NUMB: variants seen among roughly 807,000 people sequenced by gnomAD.
NUMB encodes NUMB endocytic adaptor protein, also known as protein numb homolog.
NUMB carries 29 observed loss-of-function variants against 59.7 expected under a neutral mutation model. That is an observed-to-expected ratio of 0.49 (90% CI 0.36 to 0.66). The LOEUF (loss-of-function observed/expected upper bound fraction) is 0.66. NUMB is among the 30% of genes least tolerant of loss of function. NUMB has a pLI of 0.00. For synonymous variants in NUMB, 288 were observed against 288.2 expected, an observed-to-expected ratio of 1.00 and a Z score of 0.01; for missense variants, 723 against 822.0, an observed-to-expected ratio of 0.88 and a Z score of 1.47.
At chr14:73,278,940 G>A (rs1177932161) in intron 12 of NUMB, among the ~76,000 whole-genome samples, 1 of 152,012 alleles carries the variant, frequency 6.6e-6, no homozygotes, top group Non-Finnish European at 1.5e-5. Flanking sequence ...TGGCCAGGAT[G>A]GTCTCCATCT....
In NUMB at chr14:73,352,510, A is replaced by T. The variant is rs60662593; in HGVS notation, c.126+3116T>A. 4.8e-4 allele frequency among the ~76,000 whole-genome samples: 6 copies of T among 12,400 alleles called. 1 individual carries two copies. The highest frequency in any genetic ancestry group is 1.7e-3 in the African/African-American group (3 of 1,784). 8.1% of individuals were successfully genotyped at this position (12,400 alleles called of 152,430 possible). On this transcript the variant is annotated intron_variant, in intron 4 of 12. Coordinates refer to ENST00000555238, the MANE Select transcript of NUMB (RefSeq NM_001005743.2). ...TATATATATATATATATATATATAT[A>T]TATATATATATATATATATGTTTTT...
At chr14:73,391,350 C>A (rs1406667023) in intron 2 of NUMB, among the ~76,000 whole-genome samples, 1 of 148,046 alleles carries the variant, frequency 6.8e-6, no homozygotes, top group African/African-American at 2.5e-5. Context: ...AGATAATAAT[C>A]TTGCAAAAAT....
At chr14:73,321,089 G>A (rs1891378037) in intron 5 of NUMB, among the ~76,000 whole-genome samples, 1 of 151,878 alleles carries the variant, frequency 6.6e-6, no homozygotes, top group African/African-American at 2.4e-5. Flanking sequence ...AGACAGGTAA[G>A]AGGATTAACT....
intron 1 of NUMB, among the ~76,000 whole-genome samples, chr14:73,415,059 A>C (rs1897070019): frequency 1.3e-5 from 2 of 152,208 alleles, no homozygotes; most frequent in African/African-American, 4.8e-5. Flanking sequence ...CAGAATAAGA[A>C]CAGCTGAATT....
rs1446403533 is a variant in NUMB at position 73,287,333 on chromosome 14, A to G, written c.451-19T>C. ...TTTCACCCTGTAAGAGCAGATTTTA[A>G]AAGCTTTTCAGAATTACACTACTAA... On this transcript the variant is annotated intron_variant, in intron 8 of 12. Transcript: ENST00000555238. The G allele has an allele frequency of 6.3e-7, 1 of 1,586,322 alleles. No individual in the cohort carries two copies. Among genetic ancestry groups the G allele is most frequent in the Non-Finnish European group, 8.6e-7 (1 of 1,162,486 alleles).
rs74607364 is a variant in NUMB at position 73,367,542 on chromosome 14, G to A, written c.-100-561C>T. On this transcript the variant is annotated intron_variant, in intron 2 of 12. Transcript: ENST00000555238. ...TAATCCCAGCACTTCGGGAGGCCTC[G>A]GCAGGACAATCACTTGAGCCCAGGG... Among the ~76,000 whole-genome samples the A allele has an allele frequency of 1.0e-3, 153 of 151,608 alleles. 1 individual carries two copies. In the East Asian group the frequency reaches 0.026, roughly 26 times the overall value.
chr14:73,279,327 G>A lies in NUMB; in HGVS notation c.1194C>T (p.Ala398=). 4 of 1,614,112 alleles carry A rather than the reference G, an allele frequency of 2.5e-6. No homozygotes were observed. The highest frequency in any genetic ancestry group is 3.4e-6 in the Non-Finnish European group (4 of 1,179,956). ...AMPVRETNPW[A]HAPDAANKEI... is the part of the protein sequence containing the mutation. ...CCTTGTTAGCAGCATCAGGGGCATG[G>A]GCCCAAGGGTTGGTTTCACGCACAG... is the stretch of plus-strand genomic sequence containing the variant. The change falls in exon 12 of 13, where the codon GCC becomes GCT. Residue 398 remains alanine (A), a synonymous_variant. Transcript: ENST00000555238.
chr14:73,351,410 T>C (rs1330023537), intron 4 of NUMB, among the ~76,000 whole-genome samples: 1 of 152,032 alleles, frequency 6.6e-6, no homozygotes, highest in Non-Finnish European at 1.5e-5. Context: ...AGGCGGAGGT[T>C]GCAGTGAGCG....
At chr14:73,378,741 G>C (rs1191610023) in intron 2 of NUMB, among the ~76,000 whole-genome samples, 1 of 152,148 alleles carries the variant, frequency 6.6e-6, no homozygotes, top group Non-Finnish European at 1.5e-5. Context: ...AACTGCCAGG[G>C]GTAAGGGGTC....
chr14:73,318,801 GCT>G (rs754758629), intron 5 of NUMB, among the ~76,000 whole-genome samples: 5 of 152,120 alleles, frequency 3.3e-5, no homozygotes, highest in Non-Finnish European at 7.3e-5. Context: ...ACATATTTAT[GCT>G]CTGAGGAGCA....
intron 2 of NUMB, among the ~76,000 whole-genome samples, chr14:73,394,241 G>A (rs909627507): frequency 6.6e-5 from 10 of 152,192 alleles, no homozygotes; most frequent in South Asian, 2.1e-4. Context: ...ACTGCATCCC[G>A]GGAGACAAAT....
rs1023962835 is a variant in NUMB, at chr14:73,276,838, C to T, written c.1696G>A (p.Glu566Lys). 3 of 1,614,052 alleles carry T rather than the reference C, an allele frequency of 1.9e-6. No individual in the cohort carries two copies. Among genetic ancestry groups the T allele is most frequent in the Non-Finnish European group, 1.7e-6 (2 of 1,180,000 alleles). ...GGACTGGTGGTAGCACTGCTTGCCT[C>T]GTAGTGAGGGAATGTCTGCTGCCTG... ...LVRQQTFPHY[E>K]ASSATTSPFF... The change falls in exon 13 of 13, where the codon GAG (glutamate) becomes AAG (lysine). Residue 566 changes from glutamate (E) to lysine (K), a missense_variant. This residue lies in a region of NUMB where 406 missense variants were observed against 385.4 expected (regional missense o/e 1.05). Coordinates refer to ENST00000555238, the MANE Select transcript of NUMB (RefSeq NM_001005743.2).
chr14:73,391,925 TG>T lies in NUMB; in HGVS notation c.-101+18011del, dbSNP rs1170538068. ...TTGTACATCTGTTTACCAATTCTACTGGGGAACTTCCTACCCATTTTGTGTA... is the reference window on the plus strand; with the variant it reads ...TTGTACATCTGTTTACCAATTCTACTGGGAACTTCCTACCCATTTTGTGTA... On this transcript the variant is annotated intron_variant, in intron 2 of 12. Transcript: ENST00000555238. Among the ~76,000 whole-genome samples the T allele has an allele frequency of 3.9e-5, 6 of 152,352 alleles. No individual in the cohort carries two copies. In the East Asian group the frequency reaches 9.6e-4, roughly 24 times the overall value.
intron 4 of NUMB, among the ~76,000 whole-genome samples, chr14:73,332,389 G>T (rs1029676708): frequency 6.6e-6 from 1 of 152,002 alleles, no homozygotes; most frequent in Non-Finnish European, 1.5e-5. Flanking sequence ...GAGAAGCTGG[G>T]ATTACAGGCG....
chr14:73,452,055 C>T (rs1248069500), intron 1 of NUMB, among the ~76,000 whole-genome samples: 1 of 151,794 alleles, frequency 6.6e-6, no homozygotes, highest in Non-Finnish European at 1.5e-5. Flanking sequence ...AAGACCCTGT[C>T]TCTACCCCCC....
chr14:73,281,573 G>A (rs927641084), intron 11 of NUMB: 2 of 152,186 alleles, frequency 1.3e-5, no homozygotes, highest in Non-Finnish European at 2.9e-5. Context: ...AATTATAGCA[G>A]CTCAAATTCT....
At chr14:73,441,513 G>A (rs551476139) in intron 1 of NUMB, among the ~76,000 whole-genome samples, 1 of 152,132 alleles carries the variant, frequency 6.6e-6, no homozygotes, top group Non-Finnish European at 1.5e-5. Context: ...TCCAGCCTGG[G>A]CAACAGAGCA....
At position 73,276,759 on chromosome 14, in the gene NUMB, A is replaced by C; in HGVS notation, c.1775T>G (p.Val592Gly). ...TGCTGAGGCCAACCTGCCATCATCT[A>C]CACCATTGAAAGCTGCAGAACCGTT... ...HLNGSAAFNG[V>G]DDGRLASADR... Residue 592 changes from valine to glycine, a missense_variant, in exon 13 of 13, where the codon GTA (valine) becomes GGA (glycine). This residue lies in a region of NUMB where 406 missense variants were observed against 385.4 expected (regional missense o/e 1.05). Coordinates refer to ENST00000555238, the MANE Select transcript of NUMB (RefSeq NM_001005743.2). 1.2e-6 allele frequency: 2 copies of C among 1,614,168 alleles called. No individual in the cohort carries two copies. The highest frequency in any genetic ancestry group is 1.7e-6 in the Non-Finnish European group (2 of 1,180,022).
At chr14:73,395,031 G>GTGTGTT (rs1487986423) in intron 2 of NUMB, among the ~76,000 whole-genome samples, 1 of 90,286 alleles carries the variant, frequency 1.1e-5, no homozygotes, top group Admixed American at 1.3e-4. Context: ...AATAGTATTC[G>GTGTGTT]TGTGTTTGTG....
Sources: gnomAD v4.1 joint callset for allele counts (sites outside exome capture counted in the v4.1 genomes callset) on GRCh38, gnomAD v4.1.1 for gene constraint, gnomAD v4.1.1 regional missense constraint, MANE v1.5 for transcripts, NCBI Gene and HGNC (gene_info 2026-07-23, HGNC 2026-07-21) for gene names.